PRR11: variants seen among roughly 807,000 people sequenced by gnomAD.
The protein encoded by PRR11 is proline-rich protein 11.
A neutral mutation model predicts 45.6 loss-of-function variants in PRR11; 30 were observed. That is an observed-to-expected ratio of 0.66 (90% CI 0.49 to 0.89). The LOEUF is 0.89. Ranked by LOEUF, PRR11 falls within the 40% of genes least tolerant of loss-of-function variation. The probability of loss-of-function intolerance (pLI) is 0.00; values close to 1 mark genes in which losing one functional copy is unlikely to be tolerated. For missense variants in PRR11, 373 were observed against 424.8 expected, an observed-to-expected ratio of 0.88 and a Z score of 1.07; for synonymous variants, 128 against 153.5, an observed-to-expected ratio of 0.83 and a Z score of 1.23.
chr17:59,165,341 G>A (rs2046674605), intron 1 of PRR11, among the ~76,000 whole-genome samples: 1 of 151,730 alleles, frequency 6.6e-6, no homozygotes, highest in Non-Finnish European at 1.5e-5. Context: ...TTGTTTATGT[G>A]TTTGTTTGTT....
intron 1 of PRR11, among the ~76,000 whole-genome samples, chr17:59,158,427 T>C (rs765588467): frequency 2.0e-5 from 3 of 152,202 alleles, no homozygotes; most frequent in Non-Finnish European, 4.4e-5. Context: ...TCCTGACTGA[T>C]TGTGGTTTTG....
At chr17:59,160,930 TCTCA>T (rs2046648411) in intron 1 of PRR11, 1 of 150,788 alleles carries the variant, frequency 6.6e-6, no homozygotes, top group African/African-American at 2.4e-5. Context: ...CAGTTGGGAC[TCTCA>T]CTGTGTTGCC....
At chr17:59,189,514 A>G (rs1335022443) in intron 4 of PRR11, among the ~76,000 whole-genome samples, 1 of 151,760 alleles carries the variant, frequency 6.6e-6, no homozygotes, top group Non-Finnish European at 1.5e-5. Flanking sequence ...TTGTATTTTT[A>G]GTAGAGACAG....
chr17:59,185,132 CA>C lies in PRR11; in HGVS notation c.208del (p.Arg70GlufsTer4), dbSNP rs757655155. 1 of 1,607,226 alleles carries C rather than the reference CA, an allele frequency of 6.2e-7. No homozygotes were observed. Among genetic ancestry groups the C allele is most frequent in the Non-Finnish European group, 8.5e-7 (1 of 1,176,520 alleles). On this transcript the variant is annotated frameshift_variant, in exon 3 of 10. Coordinates refer to ENST00000262293, the MANE Select transcript of PRR11 (RefSeq NM_018304.4). LOFTEE classifies it high-confidence loss of function. Reference protein sequence around the residue: ...SSWNFNFPNIRDAIKLWTNRV... With the variant: ...SSWNFNFPNIXDAIKLWTNRV... Reference sequence around the variant, plus strand: ...CCTGGAACTTCAATTTTCCTAACATCAGAGATGCAATAAAACTTTGGACAAA... The same window carrying C: ...CCTGGAACTTCAATTTTCCTAACATCGAGATGCAATAAAACTTTGGACAAA...
chr17:59,193,819 C>A, intron 5 of PRR11, 85 bp downstream of exon 5: 10 of 1,451,754 alleles, frequency 6.9e-6, no homozygotes, highest in Non-Finnish European at 9.5e-6. Context: ...CCTTTTAAGG[C>A]CAGGCTAATC....
chr17:59,184,532 A>T (rs2046804023), intron 2 of PRR11, among the ~76,000 whole-genome samples: 1 of 152,134 alleles, frequency 6.6e-6, no homozygotes, highest in Admixed American at 6.5e-5. Context: ...CTCTCCTAGG[A>T]GTCTCTTGCT....
chr17:59,171,645 G>T (rs1423035506), intron 2 of PRR11, among the ~76,000 whole-genome samples: 1 of 151,886 alleles, frequency 6.6e-6, no homozygotes, highest in Non-Finnish European at 1.5e-5. Flanking sequence ...ATAATTCTAT[G>T]CCCATCTTTT....
At chr17:59,175,151 G>T (rs1013799830) in intron 2 of PRR11, 8 of 538,782 alleles carry the variant, frequency 1.5e-5, no homozygotes, top group South Asian at 1.4e-4. Context: ...TCAGGTTGCC[G>T]CTCAGGGACA....
In PRR11 at chr17:59,177,350, C is replaced by T. The variant is rs1489465619; in HGVS notation, c.128+7470C>T. ...AATGGGGGTCTAGGGAGGGTTTGCC[C>T]ATCAGAGAAGGGACCTGAGTGTTGG... On this transcript the variant is annotated intron_variant, in intron 2 of 9. Coordinates refer to ENST00000262293, the MANE Select transcript of PRR11 (RefSeq NM_018304.4). 4 of 535,724 alleles carry T rather than the reference C, an allele frequency of 7.5e-6. No individual in the cohort carries two copies. In the African/African-American group the frequency reaches 7.7e-5, roughly 10 times the overall value. The allele number at this position is 535,724 out of a possible 1,614,324, so 33.2% of individuals were successfully genotyped here.
chr17:59,176,839 G>A (rs1435980592), intron 2 of PRR11, among the ~76,000 whole-genome samples: 1 of 151,768 alleles, frequency 6.6e-6, no homozygotes, highest in East Asian at 1.9e-4. Flanking sequence ...TTGGATTACA[G>A]GTGCACACCA....
chr17:59,176,684 CTTTTT>C (rs71367676), intron 2 of PRR11, among the ~76,000 whole-genome samples: 142 of 38,958 alleles, frequency 3.6e-3, no homozygotes, highest in African/African-American at 0.013. Flanking sequence ...GTTTTTTTGG[CTTTTT>C]TTTTTTTTTT....
chr17:59,167,431 G>A (rs1289234179), intron 1 of PRR11, among the ~76,000 whole-genome samples: 1 of 152,156 alleles, frequency 6.6e-6, no homozygotes, highest in Admixed American at 6.5e-5. Context: ...TTATATTACT[G>A]GAAAGGGGTC....
intron 2 of PRR11, chr17:59,177,202 C>T (rs991163050): frequency 3.6e-5 from 20 of 548,128 alleles, no homozygotes; most frequent in Admixed American, 7.7e-5. Context: ...TTGGTATTGC[C>T]GGGAGAAGAG....
At chr17:59,194,962 C>T in intron 6 of PRR11, 107 bp downstream of exon 6, 3 of 847,226 alleles carry the variant, frequency 3.5e-6, no homozygotes, top group Non-Finnish European at 5.6e-6. Flanking sequence ...TCACCTGAGC[C>T]CAGGAGTTCA....
chr17:59,177,300 G>A, intron 2 of PRR11: 1 of 543,336 alleles, frequency 1.8e-6, no homozygotes. Flanking sequence ...CACATCTTGG[G>A]AGAGGAAGAT....
In PRR11 at chr17:59,206,303, C is replaced by G. The variant is rs926984854; in HGVS notation, c.*4672C>G. On this transcript the variant is annotated 3_prime_UTR_variant, in exon 10 of 10. Coordinates refer to ENST00000262293, the MANE Select transcript of PRR11 (RefSeq NM_018304.4). ...ATCACTTGAGCCCGGGAGGTTGAGG[C>G]TGCAGTGAGCTGTGTTTATACCACT... Among the ~76,000 whole-genome samples, 2 of 151,930 alleles carry G rather than the reference C, an allele frequency of 1.3e-5. No homozygotes were observed. The highest frequency in any genetic ancestry group is 4.8e-5 in the African/African-American group (2 of 41,348).
chr17:59,156,994 CTG>C (rs994007711), intron 1 of PRR11, among the ~76,000 whole-genome samples: 7 of 152,206 alleles, frequency 4.6e-5, no homozygotes, highest in Non-Finnish European at 8.8e-5. Context: ...CTGCAAAAGA[CTG>C]TAATTCTTAC....
chr17:59,188,941 A>AT (rs2046827213), intron 4 of PRR11, among the ~76,000 whole-genome samples: 1 of 123,794 alleles, frequency 8.1e-6, no homozygotes. Context: ...CTGTGTCTCA[A>AT]AAATAATAAT....
intron 5 of PRR11, among the ~76,000 whole-genome samples, chr17:59,194,302 CACAAA>C (rs2046854515): frequency 6.7e-6 from 1 of 149,884 alleles, no homozygotes; most frequent in Non-Finnish European, 1.5e-5. Context: ...CACACACACA[CACAAA>C]ACAAAACCTG....
Sources: gnomAD v4.1 joint callset for allele counts (sites outside exome capture counted in the v4.1 genomes callset) on GRCh38, gnomAD v4.1.1 for gene constraint, MANE v1.5 for transcripts, NCBI Gene and HGNC (gene_info 2026-07-23, HGNC 2026-07-21) for gene names.